MYLIP: variants seen among roughly 807,000 people sequenced by gnomAD.
MYLIP encodes the protein E3 ubiquitin-protein ligase MYLIP.
In MYLIP, 26 loss-of-function variants were observed where a neutral mutation model predicts 45.8. The ratio of observed to expected loss-of-function variants is 0.57; its 90% CI spans 0.42 to 0.79. The LOEUF (loss-of-function observed/expected upper bound fraction) is 0.79. Among genes scored for constraint, MYLIP ranks in the 30% least tolerant of loss-of-function variants. MYLIP has a pLI of 0.00. For missense variants in MYLIP, 494 were observed against 555.6 expected, an observed-to-expected ratio of 0.89 and a Z score of 1.11; for synonymous variants, 213 against 218.1, an observed-to-expected ratio of 0.98 and a Z score of 0.21.
chr6:16,142,968 TCTAAAG>T (rs1759703940), intron 3 of MYLIP, 46 bp from the exon 4 acceptor site: 27 of 1,547,680 alleles, frequency 1.7e-5, no homozygotes. Context: ...TAGGTTTATC[TCTAAAG>T]CTAATATCTG....
chr6:16,141,586 T>A (rs890113701), intron 2 of MYLIP, 39 bp from the exon 3 acceptor site: 4 of 1,559,708 alleles, frequency 2.6e-6, no homozygotes, highest in Non-Finnish European at 2.6e-6. Flanking sequence ...GATGTCAGGT[T>A]ATCCCCAAGC....
the MYLIP span, among the ~76,000 whole-genome samples, chr6:16,158,566 G>T: frequency 6.6e-6 from 1 of 152,208 alleles, no homozygotes; most frequent in African/African-American, 2.4e-5. Context: ...GGTCACTTCA[G>T]CATCATCTCC....
chr6:16,152,034 G>A (rs907438786), downstream of MYLIP, among the ~76,000 whole-genome samples: 1 of 152,166 alleles, frequency 6.6e-6, no homozygotes, highest in African/African-American at 2.4e-5. Context: ...GAATGGAGGA[G>A]GACTTCTTAA....
intron 2 of MYLIP, 151 bp downstream of exon 2, chr6:16,130,898 G>A: frequency 1.4e-6 from 1 of 726,158 alleles, no homozygotes; most frequent in South Asian, 2.2e-5. Flanking sequence ...CTTTTGTTGA[G>A]GTGGAGGGGG....
At chr6:16,154,217 C>T in the MYLIP span, among the ~76,000 whole-genome samples, 1 of 152,130 alleles carries the variant, frequency 6.6e-6, no homozygotes, top group Admixed American at 6.5e-5. Context: ...AACTCCCAGA[C>T]CTCAGCGTCT....
chr6:16,157,506 A>G, the MYLIP span, among the ~76,000 whole-genome samples: 3 of 152,380 alleles, frequency 2.0e-5, no homozygotes, highest in South Asian at 2.1e-4. Context: ...TGCATCCCCA[A>G]TGCCTAGAAC....
chr6:16,150,527 G>C (rs2113590074), downstream of MYLIP, among the ~76,000 whole-genome samples: 1 of 152,300 alleles, frequency 6.6e-6, no homozygotes, highest in Middle Eastern at 3.4e-3. Flanking sequence ...TGTAGGCATA[G>C]AGGAGAGGAG....
the MYLIP span, chr6:16,161,270 GC>G: frequency 2.7e-6 from 1 of 369,398 alleles, no homozygotes; most frequent in African/African-American, 2.1e-5. Flanking sequence ...CAGACCTTCA[GC>G]CTTCATGCCA....
intron 2 of MYLIP, among the ~76,000 whole-genome samples, chr6:16,133,985 G>T (rs1393707735): frequency 6.6e-6 from 1 of 152,126 alleles, no homozygotes; most frequent in Non-Finnish European, 1.5e-5. Flanking sequence ...CTCGTCCCTT[G>T]TTAAATCTGT....
At chr6:16,146,460 G>A (rs1257576894) in intron 6 of MYLIP, among the ~76,000 whole-genome samples, 1 of 152,180 alleles carries the variant, frequency 6.6e-6, no homozygotes, top group Non-Finnish European at 1.5e-5. Flanking sequence ...CTATGTCATA[G>A]TATTTATTTT....
chr6:16,152,414 T>C (rs575499537), downstream of MYLIP, among the ~76,000 whole-genome samples: 64 of 152,266 alleles, frequency 4.2e-4, no homozygotes, highest in Non-Finnish European at 8.5e-4. Context: ...CACTGAGCAA[T>C]GTCTGGAGAT....
intron 2 of MYLIP, among the ~76,000 whole-genome samples, chr6:16,135,775 ATATG>A (rs1230260530): frequency 2.5e-4 from 37 of 146,182 alleles, no homozygotes; most frequent in African/African-American, 8.2e-4. Flanking sequence ...ATATATATAT[ATATG>A]TATGCTATAT....
intron 2 of MYLIP, among the ~76,000 whole-genome samples, chr6:16,137,774 G>C (rs1310897055): frequency 2.6e-5 from 4 of 152,102 alleles, no homozygotes; most frequent in Admixed American, 6.5e-5. Context: ...TTGTAAGAAG[G>C]AATTAATTTT....
At chr6:16,131,124 G>C (rs538649615) in intron 2 of MYLIP, among the ~76,000 whole-genome samples, 1 of 151,722 alleles carries the variant, frequency 6.6e-6, no homozygotes, top group African/African-American at 2.4e-5. Context: ...CCTCAGCAGT[G>C]TTACTATAGG....
At chr6:16,163,293 T>C in the MYLIP span, 1 of 152,208 alleles carries the variant, frequency 6.6e-6, no homozygotes, top group Non-Finnish European at 1.5e-5. Flanking sequence ...ATGCCTCCTG[T>C]AGGGTTGTAT....
the MYLIP span, among the ~76,000 whole-genome samples, chr6:16,160,732 G>A: frequency 6.6e-6 from 1 of 152,098 alleles, no homozygotes; most frequent in Non-Finnish European, 1.5e-5. Flanking sequence ...AACCCAGGAG[G>A]CGGAGGTTGC....
At chr6:16,141,415 G>T in intron 2 of MYLIP, 1 of 423,684 alleles carries the variant, frequency 2.4e-6, no homozygotes, top group Non-Finnish European at 4.2e-6. Context: ...TATCTTGTTT[G>T]GGTCACAACT....
intron 6 of MYLIP, 97 bp downstream of exon 6, chr6:16,145,414 G>C (rs1176384494): frequency 1.5e-6 from 2 of 1,359,426 alleles, no homozygotes; most frequent in Non-Finnish European, 1.0e-6. Flanking sequence ...ATGCACAGAC[G>C]GGGAATGCCC....
intron 2 of MYLIP, among the ~76,000 whole-genome samples, chr6:16,131,048 A>AG (rs1491514740): frequency 6.7e-6 from 1 of 148,742 alleles, no homozygotes; most frequent in Non-Finnish European, 1.5e-5. Flanking sequence ...AAAAAAAAAA[A>AG]GAAACCACCC....
Sources: gnomAD v4.1 joint callset for allele counts (sites outside exome capture counted in the v4.1 genomes callset) on GRCh38, gnomAD v4.1.1 for gene constraint, MANE v1.5 for transcripts, NCBI Gene and HGNC (gene_info 2026-07-23, HGNC 2026-07-21) for gene names.